The following PASK variants were observed in gnomAD, a reference collection of about 807,000 sequenced individuals.
PASK encodes PAS domain-containing serine/threonine-protein kinase.
A neutral mutation model predicts 121.0 loss-of-function variants in PASK; 110 were observed. That is an observed-to-expected ratio of 0.91 (90% CI 0.78 to 1.06). The LOEUF (loss-of-function observed/expected upper bound fraction) is 1.06. PASK is among the 50% of genes least tolerant of loss of function. PASK has a pLI of 0.00. For synonymous variants in PASK, 686 were observed against 717.8 expected (o/e 0.96, Z 0.71); for missense variants, 1,643 against 1,702.3 (o/e 0.97, Z 0.61).
Position 241,140,024 on chromosome 2 carries a change from A to G in PASK, c.461T>C (p.Leu154Pro). 1 of 1,614,136 alleles carries G rather than the reference A, an allele frequency of 6.2e-7. No homozygotes were observed. The highest frequency in any genetic ancestry group is 8.5e-7 in the Non-Finnish European group (1 of 1,179,982). Residue 154 changes from leucine (L) to proline (P), a missense_variant, in exon 4 of 18, where the codon CTC (leucine) becomes CCC (proline). By Grantham distance (98) the Leu-to-Pro change is moderately conservative. This residue lies in a region of PASK where 1,176 missense variants were observed against 1,162.2 expected (regional missense o/e 1.01). Coordinates refer to ENST00000234040, the MANE Select transcript of PASK (RefSeq NM_015148.4). Reference protein sequence around the residue: ...ILVANDKACGLLGYSSQDLIG... With the variant: ...ILVANDKACGPLGYSSQDLIG... ...CAGGTCCTGGCTGCTGTACCCCAGG[A>G]GCCCGCAAGCTTTGTCGTTAGCAAC...
At chr2:241,116,174 C>G (rs1394008488) in intron 12 of PASK, among the ~76,000 whole-genome samples, 1 of 144,644 alleles carries the variant, frequency 6.9e-6, no homozygotes, top group East Asian at 2.1e-4. Context: ...CAGGGCCACC[C>G]AGTCCTCAAG....
rs374396215 is a variant in PASK at position 241,138,076 on chromosome 2, C to A, written c.753G>T (p.Thr251=). Residue 251 remains threonine, a synonymous_variant, in exon 6 of 18, where the codon ACG becomes ACT. Transcript: ENST00000234040. ...WVAFQSDGTV[T]SCDSLFAHLH... is the part of the protein sequence containing the mutation. ...GATGAGCAAAGAGACTGTCACATGA[C>A]GTGACGGTGCCCTGGAGGAAAAGCC... The A allele has an allele frequency of 1.2e-6, 2 of 1,614,186 alleles. No individual in the cohort carries two copies. Among genetic ancestry groups the A allele is most frequent in the Non-Finnish European group, 1.7e-6 (2 of 1,179,978 alleles).
intron 12 of PASK, chr2:241,118,944 G>A: frequency 9.7e-7 from 1 of 1,026,844 alleles, no homozygotes; most frequent in Admixed American, 5.2e-5. Context: ...CAGTGAGTAA[G>A]CTGCCCGTGG....
intron 5 of PASK, among the ~76,000 whole-genome samples, chr2:241,138,412 G>A (rs1275827100): frequency 6.6e-6 from 1 of 152,224 alleles, no homozygotes; most frequent in African/African-American, 2.4e-5. Context: ...TCATTTAAAT[G>A]TTGAAACAAT....
intron 14 of PASK, chr2:241,113,482 A>G (rs963228475): frequency 3.9e-5 from 6 of 153,022 alleles, no homozygotes; most frequent in Admixed American, 2.0e-4. Context: ...CTGCATACAC[A>G]CGTGTGCATA....
chr2:241,128,504 A>G (rs556112994), intron 9 of PASK, among the ~76,000 whole-genome samples: 1 of 152,328 alleles, frequency 6.6e-6, no homozygotes, highest in South Asian at 2.1e-4. Flanking sequence ...TGGGCACCAG[A>G]TGCACAGAAT....
chr2:241,134,822 C>T (rs888452726), intron 8 of PASK: 2 of 151,280 alleles, frequency 1.3e-5, no homozygotes, highest in Non-Finnish European at 3.0e-5. Flanking sequence ...CCCTGCCACA[C>T]CATCACCTGG....
At chr2:241,139,239 C>A (rs1167068588) in intron 4 of PASK, among the ~76,000 whole-genome samples, 3 of 152,212 alleles carry the variant, frequency 2.0e-5, no homozygotes, top group African/African-American at 7.2e-5. Context: ...AAACAGGCAA[C>A]CTGGAGGATC....
At chr2:241,117,132 G>T (rs1405911034) in intron 12 of PASK, among the ~76,000 whole-genome samples, 1 of 152,166 alleles carries the variant, frequency 6.6e-6, no homozygotes, top group Non-Finnish European at 1.5e-5. Context: ...TCGGGGCCAG[G>T]GCGGGAGCAG....
At chr2:241,110,229 G>A (rs111809960) in intron 15 of PASK, among the ~76,000 whole-genome samples, 5 of 152,338 alleles carry the variant, frequency 3.3e-5, no homozygotes, top group African/African-American at 1.2e-4. Flanking sequence ...ACGATTCCAC[G>A]TATAGGAGGT....
Position 241,115,108 on chromosome 2 carries a change from G to A in PASK, c.3268C>T (p.Leu1090Phe), listed in dbSNP as rs1427847029. The A allele has an allele frequency of 1.9e-6, 3 of 1,614,150 alleles. No individual in the cohort carries two copies. The highest frequency in any genetic ancestry group is 2.2e-5 in the East Asian group (1 of 44,882). Residue 1090 changes from leucine to phenylalanine, a missense_variant, in exon 14 of 18, where the codon CTC becomes TTC. This residue lies in a region of PASK where 453 missense variants were observed against 511.2 expected (regional missense o/e 0.89). Transcript: ENST00000234040. Reference sequence around the variant, plus strand: ...GGGTGGCGGTCGATGAAAGCGAAGAGGTCTAGGCCGGAGCCGTGCTTCTCC... The same window carrying A: ...GGGTGGCGGTCGATGAAAGCGAAGAAGTCTAGGCCGGAGCCGTGCTTCTCC... ...VMEKHGSGLD[L>F]FAFIDRHPRL...
intron 12 of PASK, chr2:241,118,985 G>C: frequency 6.1e-6 from 6 of 989,334 alleles, no homozygotes; most frequent in Non-Finnish European, 6.1e-6. Flanking sequence ...AGCCTCCAAG[G>C]GCTGTCAGGC....
Position 241,126,633 on chromosome 2 carries a change from C to T in PASK, c.2282G>A (p.Cys761Tyr). Reference protein sequence around the residue: ...QTDQTSSNCSCATSELRETPS... With the variant: ...QTDQTSSNCSYATSELRETPS... ...TGTCTCTCTGAGTTCAGACGTAGCACAGGAACAATTTGATGACGTTTGGTC... is the reference window on the plus strand; with the variant it reads ...TGTCTCTCTGAGTTCAGACGTAGCATAGGAACAATTTGATGACGTTTGGTC... The change falls in exon 10 of 18, where the codon TGT (cysteine) becomes TAT (tyrosine). Residue 761 changes from cysteine (C) to tyrosine (Y), a missense_variant. Around this residue, in one of 3 missense-constraint regions of PASK, gnomAD observed 1,176 missense variants for 1,162.2 expected, o/e 1.01. Coordinates refer to ENST00000234040, the MANE Select transcript of PASK (RefSeq NM_015148.4). 1 of 1,614,228 alleles carries T rather than the reference C, an allele frequency of 6.2e-7. No homozygotes were observed. Among genetic ancestry groups the T allele is most frequent in the Non-Finnish European group, 8.5e-7 (1 of 1,180,038 alleles).
At chr2:241,149,592 G>A, upstream of PASK, 5 of 1,489,238 alleles carry the variant, frequency 3.4e-6, no homozygotes, top group Non-Finnish European at 4.5e-6. Flanking sequence ...CGCGCTAAGG[G>A]TTGCTAGGGA....
rs531117458 is a variant in PASK, at chr2:241,107,752, T to G, written c.3668-253A>C. Among the ~76,000 whole-genome samples, 26 of 152,356 alleles carry G rather than the reference T, an allele frequency of 1.7e-4. No homozygotes were observed. In the South Asian group the frequency reaches 3.9e-3, roughly 23 times the overall value. ...TCCAGGTGGTGCAGAGGTTCCTAAC[T>G]GCTCTATTCTCAGGGGCTCTGGCAA... On this transcript the variant is annotated intron_variant, in intron 16 of 17. Coordinates refer to ENST00000234040, the MANE Select transcript of PASK (RefSeq NM_015148.4).
chr2:241,144,090 G>A (rs2066837055), intron 1 of PASK, among the ~76,000 whole-genome samples: 1 of 152,142 alleles, frequency 6.6e-6, no homozygotes, highest in Admixed American at 6.5e-5. Context: ...AGGTGTGTGT[G>A]TGTGTGGGTG....
intron 8 of PASK, among the ~76,000 whole-genome samples, 192 bp downstream of exon 8, chr2:241,135,679 A>C (rs749304316): frequency 4.0e-4 from 60 of 151,884 alleles, no homozygotes; most frequent in Non-Finnish European, 7.1e-4. Context: ...TATGTTTATA[A>C]GAATATGTCA....
chr2:241,126,097 GT>G (rs2065845904), intron 10 of PASK, 98 bp downstream of exon 10: 4 of 1,024,748 alleles, frequency 3.9e-6, no homozygotes, highest in Non-Finnish European at 6.1e-6. Flanking sequence ...CTATTCCAGG[GT>G]GAAACCCCAT....
chr2:241,125,753 C>T (rs2065828718), intron 10 of PASK, among the ~76,000 whole-genome samples: 1 of 152,118 alleles, frequency 6.6e-6, no homozygotes. Flanking sequence ...ACCAAAAGCA[C>T]GGAAGAAGAA....
Sources: allele counts gnomAD v4.1 joint callset (sites outside exome capture counted in the v4.1 genomes callset), GRCh38; gene constraint gnomAD v4.1.1; regional missense constraint gnomAD v4.1.1; transcripts MANE v1.5; gene names NCBI Gene and HGNC (gene_info 2026-07-23, HGNC 2026-07-21).